The following VARS2 variants were observed in gnomAD, a reference collection of about 807,000 sequenced individuals.
The protein encoded by VARS2 is valine--tRNA ligase, mitochondrial.
A neutral mutation model predicts 154.1 loss-of-function variants in VARS2; 105 were observed. The ratio of observed to expected loss-of-function variants is 0.68; its 90% CI spans 0.58 to 0.80. The LOEUF (loss-of-function observed/expected upper bound fraction) is 0.80. Among genes scored for constraint, VARS2 ranks in the 30% least tolerant of loss-of-function variants. The pLI is 0.00. For missense variants in VARS2, 1,157 were observed against 1,361.4 expected, an observed-to-expected ratio of 0.85 and a Z score of 2.36; for synonymous variants, 483 against 539.5, an observed-to-expected ratio of 0.90 and a Z score of 1.45.
In VARS2 at chr6:30,917,065, G is replaced by A; in HGVS notation, c.754-40G>A. 6.2e-7 allele frequency: 1 copy of A among 1,614,218 alleles called. No individual in the cohort carries two copies. The highest frequency in any genetic ancestry group is 8.5e-7 in the Non-Finnish European group (1 of 1,180,016). ...GGGTCCCTGAGCAGGGTGATGGGCT[G>A]AGAAGTGGCTCTTAGAGGTGGACAC... On this transcript the variant is annotated intron_variant, in intron 8 of 29. Coordinates refer to ENST00000676266, the MANE Select transcript of VARS2 (RefSeq NM_020442.6). The surrounding 1 kb of genome is among the most constrained non-coding windows in gnomAD (Gnocchi z 4.4).
At position 30,924,406 on chromosome 6, in the gene VARS2, A is replaced by G; in HGVS notation, c.2519A>G (p.Gln840Arg). 4 of 1,612,660 alleles carry G rather than the reference A, an allele frequency of 2.5e-6. No individual in the cohort carries two copies. The highest frequency in any genetic ancestry group is 3.4e-6 in the Non-Finnish European group (4 of 1,179,938). The change falls in exon 26 of 30, where the codon CAG (glutamine) becomes CGG (arginine). Residue 840 changes from glutamine to arginine, a missense_variant. Gln to Arg is a conservative substitution (Grantham distance 43, BLOSUM62 1). Transcript: ENST00000676266. ...TCGCCCCGCCCCCTGGGGCCCCCTCAGGTCCTGTTCTCCTGCGCTGACCTC... is the reference window on the plus strand; with the variant it reads ...TCGCCCCGCCCCCTGGGGCCCCCTCGGGTCCTGTTCTCCTGCGCTGACCTC... ...WHSPRPLGPP[Q>R]VLFSCADLGL...
rs200004723 is a variant in VARS2 at position 30,921,288 on chromosome 6, G to C, written c.1615G>C (p.Val539Leu). The change falls in exon 17 of 30, where the codon GTA becomes CTA. Residue 539 changes from valine to leucine, a missense_variant. Physicochemically the swap from Val to Leu is conservative, Grantham distance 32. Coordinates refer to ENST00000676266, the MANE Select transcript of VARS2 (RefSeq NM_020442.6). This position sits in a 1 kb window ranked among gnomAD's most constrained non-coding sequence, Gnocchi z 4.6. ...WGHQIPAYLVVEDHAQGEEDC... is the reference protein window; with the variant it reads ...WGHQIPAYLVLEDHAQGEEDC... ...CCATCAGATTCCAGCCTACCTGGTT[G>C]TAGAGGACCATGCGCAGGTGGGTAG... 4.2e-5 allele frequency: 67 copies of C among 1,614,180 alleles called. No individual in the cohort carries two copies. Among genetic ancestry groups the C allele is most frequent in the Non-Finnish European group, 5.3e-5 (63 of 1,180,024 alleles).
In VARS2 at chr6:30,914,309, C is replaced by T. The variant is rs866815725; in HGVS notation, c.-63C>T. 6.1e-6 allele frequency: 7 copies of T among 1,142,496 alleles called. No homozygotes were observed. The African/African-American group carries it at 1.1e-4, about 18-fold the overall frequency. The allele number at this position is 1,142,496 out of a possible 1,614,324, so 70.8% of individuals were successfully genotyped here. A position where few individuals can be genotyped will look rare whatever the true frequency, so the allele number is the denominator to read the frequency against. On this transcript the variant is annotated 5_prime_UTR_variant, in exon 1 of 30. Transcript: ENST00000676266. ...TTGGTGGATTCCTCAGTCCCTGCCG[C>T]CGCGGGGCGCCCTGGGATAGCGGCG...
chr6:30,917,784 C>G lies in VARS2; in HGVS notation c.963C>G (p.Ala321=). 1 of 1,559,266 alleles carries G rather than the reference C, an allele frequency of 6.4e-7. No individual in the cohort carries two copies. Among genetic ancestry groups the G allele is most frequent in the African/African-American group, 1.4e-5 (1 of 73,632 alleles). The part of the protein sequence containing the change: ...PVSFGLLFSV[A]FPVDGEPDAE... ...CTTTTGGCCTCCTATTTTCTGTTGC[C>G]TTCCCCGTGGATGGAGAGCCTGGTG... is the stretch of plus-strand genomic sequence containing the variant. Residue 321 remains alanine (A), a synonymous_variant, in exon 10 of 30, where the codon GCC becomes GCG. Transcript: ENST00000676266. This position sits in a 1 kb window ranked among gnomAD's most constrained non-coding sequence, Gnocchi z 4.4.
chr6:30,925,154 T>C, intron 26 of VARS2, 120 bp from the exon 27 acceptor site: 1 of 627,824 alleles, frequency 1.6e-6, no homozygotes, highest in Non-Finnish European at 2.7e-6. Flanking sequence ...TCTGTGGTGC[T>C]GAGGACAGAT....
In VARS2 at chr6:30,914,304, TGCC is replaced by T. The variant is rs1044528092; in HGVS notation, c.-62_-60del. On this transcript the variant is annotated 5_prime_UTR_variant, in exon 1 of 30. Coordinates refer to ENST00000676266, the MANE Select transcript of VARS2 (RefSeq NM_020442.6). ...CGGGTTTGGTGGATTCCTCAGTCCCTGCCGCCGCGGGGCGCCCTGGGATAGCGG... is the reference window on the plus strand; with the variant it reads ...CGGGTTTGGTGGATTCCTCAGTCCCTGCCGCGGGGCGCCCTGGGATAGCGG... 5.4e-6 allele frequency: 6 copies of T among 1,118,000 alleles called. No homozygotes were observed. In the Admixed American group the frequency reaches 1.7e-4, roughly 32 times the overall value. The allele number at this position is 1,118,000 out of a possible 1,614,324, so 69.3% of individuals were successfully genotyped here.
Position 30,924,508 on chromosome 6 carries a change from G to GC in VARS2, c.2627dup (p.Ala877CysfsTer102). On this transcript the variant is annotated frameshift_variant, in exon 26 of 30. Coordinates refer to ENST00000676266, the MANE Select transcript of VARS2 (RefSeq NM_020442.6). LOFTEE classifies it high-confidence loss of function. ...CAGAGGCTGCCCCCCAGGCCTGGTTGCCCCCCTGCCCCCAGCATCTCGGTT... is the reference window on the plus strand; with the variant it reads ...CAGAGGCTGCCCCCCAGGCCTGGTTGCCCCCCCTGCCCCCAGCATCTCGGTT... 6.3e-7 allele frequency: 1 copy of GC among 1,587,368 alleles called. No homozygotes were observed. Among genetic ancestry groups the GC allele is most frequent in the Non-Finnish European group, 8.6e-7 (1 of 1,162,346 alleles).
intron 10 of VARS2, 97 bp from the exon 11 acceptor site, chr6:30,918,705 GGCCTCTTCCACCTTGACTACTCCCT>G: frequency 2.7e-6 from 2 of 752,272 alleles, no homozygotes; most frequent in Non-Finnish European, 4.4e-6. Flanking sequence ...CACTCCTGGG[GGCCTCTTCCACCTTGACTACTCCCT>G]GCCCCTTCCC....
In VARS2 at chr6:30,917,995, G is replaced by T. The variant is rs1192780846; in HGVS notation, c.985+189G>T. Among the ~76,000 whole-genome samples the T allele has an allele frequency of 6.6e-6, 1 of 152,216 alleles. No individual in the cohort carries two copies. The highest frequency in any genetic ancestry group is 2.4e-5 in the African/African-American group (1 of 41,452). ...AAAGTGCATGTGGTCACTGCCCTTT[G>T]AGAGTGTGGTGTGATTCTTCAGGAG... On this transcript the variant is annotated intron_variant, in intron 10 of 29. Coordinates refer to ENST00000676266, the MANE Select transcript of VARS2 (RefSeq NM_020442.6). The surrounding 1 kb of genome is among the most constrained non-coding windows in gnomAD (Gnocchi z 4.4).
rs1173428572 is a variant in VARS2, at chr6:30,925,644, C to T, written c.2886C>T (p.Pro962=). The T allele has an allele frequency of 6.2e-7, 1 of 1,611,000 alleles. No homozygotes were observed. The highest frequency in any genetic ancestry group is 8.5e-7 in the Non-Finnish European group (1 of 1,179,764). ...ACTGTGGGGCTGTGGGCCTGTTACC[C>T]CCAGGCGCAGCAGCTCCCTCCGGCT... is the stretch of plus-strand genomic sequence containing the variant. ...LGYCGAVGLL[P]PGAAAPSGWA... Residue 962 remains proline, a synonymous_variant, in exon 28 of 30, where the codon CCC becomes CCT. Transcript: ENST00000676266.
Position 30,922,129 on chromosome 6 carries a change from C to G in VARS2, c.1820C>G (p.Ala607Gly). 1 of 1,612,752 alleles carries G rather than the reference C, an allele frequency of 6.2e-7. No homozygotes were observed. Among genetic ancestry groups the G allele is most frequent in the Non-Finnish European group, 8.5e-7 (1 of 1,179,886 alleles). Residue 607 changes from alanine to glycine, a missense_variant, in exon 20 of 30, where the codon GCT (alanine) becomes GGT (glycine). By Grantham distance (60) the Ala-to-Gly change is moderately conservative. Transcript: ENST00000676266. ...TCTTCCCCCTAGACCCCAGACCTTGCTCGTTTCTACCCCCTGTCACTTTTG... is the reference window on the plus strand; with the variant it reads ...TCTTCCCCCTAGACCCCAGACCTTGGTCGTTTCTACCCCCTGTCACTTTTG... ...LGWPQETPDLARFYPLSLLET... is the reference protein window; with the variant it reads ...LGWPQETPDLGRFYPLSLLET...
At position 30,925,320 on chromosome 6, in the gene VARS2, A is replaced by G. The variant is rs775377403; in HGVS notation, c.2720A>G (p.Gln907Arg). ...PELERRFSRV[Q>R]EVVQVLRALR... ...CTGGAGCGGCGCTTCTCCCGGGTCCAAGAGGTCGTGCAGGTGCTAAGGGCT... is the reference window on the plus strand; with the variant it reads ...CTGGAGCGGCGCTTCTCCCGGGTCCGAGAGGTCGTGCAGGTGCTAAGGGCT... Residue 907 changes from glutamine (Q) to arginine (R), a missense_variant, in exon 27 of 30, where the codon CAA becomes CGA. Gln to Arg is a conservative substitution (Grantham distance 43, BLOSUM62 1). Coordinates refer to ENST00000676266, the MANE Select transcript of VARS2 (RefSeq NM_020442.6). 1.9e-6 allele frequency: 3 copies of G among 1,612,718 alleles called. No individual in the cohort carries two copies. Among genetic ancestry groups the G allele is most frequent in the Non-Finnish European group, 2.5e-6 (3 of 1,179,864 alleles).
rs577901199 is a variant in VARS2, at chr6:30,925,398, G to A, written c.2785+13G>A. Reference sequence around the variant, plus strand: ...GCCCGGCCCCGAGGTGAGGCAAGGCGGGTCCTGGGCTCGGATCCCTGCAGG... The same window carrying A: ...GCCCGGCCCCGAGGTGAGGCAAGGCAGGTCCTGGGCTCGGATCCCTGCAGG... On this transcript the variant is annotated intron_variant, in intron 27 of 29. Transcript: ENST00000676266. 96 of 1,602,660 alleles carry A rather than the reference G, an allele frequency of 6.0e-5. No homozygotes were observed. In the East Asian group the frequency reaches 1.2e-3, roughly 19 times the overall value.
chr6:30,916,847 T>TGCATAGGAA lies in VARS2; in HGVS notation c.672-30_672-29insCATAGGAAG. 6.2e-7 allele frequency: 1 copy of TGCATAGGAA among 1,612,762 alleles called. No individual in the cohort carries two copies. Among genetic ancestry groups the TGCATAGGAA allele is most frequent in the Non-Finnish European group, 8.5e-7 (1 of 1,178,828 alleles). On this transcript the variant is annotated intron_variant, in intron 7 of 29. Transcript: ENST00000676266. The surrounding 1 kb of genome is among the most constrained non-coding windows in gnomAD (Gnocchi z 4.0). ...TGGTACATAGGAAGTGCTTGGGAAG[T>TGCATAGGAA]GTTTGCTGACAAGGATCTCTCTGGG...
chr6:30,919,020 C>A lies in VARS2; in HGVS notation c.1074+105C>A. On this transcript the variant is annotated intron_variant, in intron 11 of 29. Transcript: ENST00000676266. The surrounding 1 kb of genome is among the most constrained non-coding windows in gnomAD (Gnocchi z 4.5). ...TTCTCTCTTGCTTCTACTTCCTTTT[C>A]CTGAGACTTCTCTCAGTGGTTCTGA... is the stretch of plus-strand genomic sequence containing the variant. The A allele has an allele frequency of 9.7e-7, 1 of 1,029,832 alleles. No individual in the cohort carries two copies. The highest frequency in any genetic ancestry group is 1.5e-6 in the Non-Finnish European group (1 of 678,332). The allele number at this position is 1,029,832 out of a possible 1,614,324, so 63.8% of individuals were successfully genotyped here.
intron 24 of VARS2, 29 bp downstream of exon 24, chr6:30,923,260 A>G: frequency 6.2e-7 from 1 of 1,612,416 alleles, no homozygotes; most frequent in Non-Finnish European, 8.5e-7. Context: ...GCTTGGGAGT[A>G]GGGTAGTCAG....
intron 4 of VARS2, 113 bp from the exon 5 acceptor site, chr6:30,915,633 C>T (rs1002475154): frequency 6.5e-7 from 1 of 1,537,162 alleles, no homozygotes; most frequent in Non-Finnish European, 8.8e-7. Context: ...CCACTCTCCT[C>T]TTATTTGCAG....
At position 30,920,580 on chromosome 6, in the gene VARS2, C is replaced by A; in HGVS notation, c.1398-88C>A. 7.3e-7 allele frequency: 1 copy of A among 1,368,268 alleles called. No individual in the cohort carries two copies. Among genetic ancestry groups the A allele is most frequent in the Non-Finnish European group, 9.9e-7 (1 of 1,010,712 alleles). 84.8% of individuals were successfully genotyped at this position (1,368,268 alleles called of 1,614,324 possible). ...TTATTCGCTATTGTATCCTCAGTACCAAGGGCCTGGCATGGCATGGGGTCT... is the reference window on the plus strand; with the variant it reads ...TTATTCGCTATTGTATCCTCAGTACAAAGGGCCTGGCATGGCATGGGGTCT... On this transcript the variant is annotated intron_variant, in intron 14 of 29. Coordinates refer to ENST00000676266, the MANE Select transcript of VARS2 (RefSeq NM_020442.6). This position sits in a 1 kb window ranked among gnomAD's most constrained non-coding sequence, Gnocchi z 4.6.
In VARS2 at chr6:30,920,032, C is replaced by T; in HGVS notation, c.1166-57C>T. ...GGCGGTGCAGGTGATGATGATACAT[C>T]TGGAAAAGCAAAAGCCAAGGTCAGG... On this transcript the variant is annotated intron_variant, in intron 12 of 29. Coordinates refer to ENST00000676266, the MANE Select transcript of VARS2 (RefSeq NM_020442.6). This position sits in a 1 kb window ranked among gnomAD's most constrained non-coding sequence, Gnocchi z 4.6. 1.3e-6 allele frequency: 1 copy of T among 771,100 alleles called. No homozygotes were observed. Among genetic ancestry groups the T allele is most frequent in the Non-Finnish European group, 1.7e-6 (1 of 595,060 alleles). 47.8% of individuals were successfully genotyped at this position (771,100 alleles called of 1,614,324 possible).
Sources: gnomAD v4.1 joint callset for allele counts (sites outside exome capture counted in the v4.1 genomes callset) on GRCh38, gnomAD v4.1.1 for gene constraint, Gnocchi (gnomAD v3.1) non-coding constraint, MANE v1.5 for transcripts, NCBI Gene and HGNC (gene_info 2026-07-23, HGNC 2026-07-21) for gene names.